The following OPCML variants were observed in gnomAD, a reference collection of about 807,000 sequenced individuals.
The protein encoded by OPCML is opioid-binding protein/cell adhesion molecule.
In OPCML, 13 loss-of-function variants were observed where a neutral mutation model predicts 37.8. That is an observed-to-expected ratio of 0.34 (90% CI 0.22 to 0.55). The LOEUF (loss-of-function observed/expected upper bound fraction) is 0.55, where lower values mean the gene tolerates loss of function less well. Ranked by LOEUF, OPCML falls within the 20% of genes least tolerant of loss-of-function variation. The pLI is 0.91. For synonymous variants in OPCML, 176 were observed against 168.8 expected (o/e 1.04, Z -0.33); for missense variants, 341 against 435.6 (o/e 0.78, Z 1.93).
intron 2 of OPCML, among the ~76,000 whole-genome samples, chr11:132,745,014 C>T (rs1033798977): frequency 2.6e-5 from 4 of 151,540 alleles, no homozygotes; most frequent in African/African-American, 9.8e-5. Flanking sequence ...GGAACCACAC[C>T]CCTGGGAGAA....
At chr11:133,185,751 G>T (rs995871103) in intron 1 of OPCML, among the ~76,000 whole-genome samples, 1 of 152,134 alleles carries the variant, frequency 6.6e-6, no homozygotes, top group African/African-American at 2.4e-5. Context: ...TGGTGGGTCT[G>T]CAATCAATTT....
chr11:132,906,898 A>G (rs944294391), intron 2 of OPCML, among the ~76,000 whole-genome samples: 2 of 152,178 alleles, frequency 1.3e-5, no homozygotes, highest in Non-Finnish European at 2.9e-5. Context: ...GGTAGTGGGG[A>G]TTGAAGCAAA....
intron 1 of OPCML, among the ~76,000 whole-genome samples, chr11:133,463,889 G>T (rs961478609): frequency 1.3e-5 from 2 of 152,150 alleles, no homozygotes; most frequent in Non-Finnish European, 2.9e-5. Flanking sequence ...TCAACAAAGC[G>T]GGGTGATGGT....
intron 7 of OPCML, among the ~76,000 whole-genome samples, chr11:132,423,369 C>T (rs1260953826): frequency 6.6e-6 from 1 of 152,212 alleles, no homozygotes; most frequent in African/African-American, 2.4e-5. Context: ...TGAATTTAAT[C>T]CACTACGATA....
intron 1 of OPCML, chr11:133,066,384 C>T (rs1187812594): frequency 6.6e-6 from 1 of 152,272 alleles, no homozygotes; most frequent in Non-Finnish European, 1.5e-5. Context: ...CCAACCTCCC[C>T]TTTCATAGAA....
rs1045057008 is a variant in OPCML, at chr11:133,008,539, G to A, written c.62-65529C>T. 7.7e-6 allele frequency: 5 copies of A among 652,906 alleles called. 1 individual carries two copies. Among genetic ancestry groups the A allele is most frequent in the Admixed American group, 6.3e-5 (1 of 15,872 alleles). 40.4% of individuals were successfully genotyped at this position (652,906 alleles called of 1,614,324 possible). A position where few individuals can be genotyped will look rare whatever the true frequency, so the allele number is the denominator to read the frequency against. ...TATTCGCTGTGGAAGGCTCCCAGCT[G>A]AGCCTCTCTCTGGGAACTGCCCTCA... On this transcript the variant is annotated intron_variant, in intron 1 of 7. Coordinates refer to ENST00000524381, the MANE Select transcript of OPCML (RefSeq NM_001012393.5).
At chr11:132,631,386 G>A (rs979200235) in intron 3 of OPCML, among the ~76,000 whole-genome samples, 5 of 140,830 alleles carry the variant, frequency 3.6e-5, no homozygotes, top group Admixed American at 3.5e-4. Context: ...TCTCCTAGGT[G>A]TAAATATACA....
intron 1 of OPCML, among the ~76,000 whole-genome samples, chr11:133,408,418 C>T (rs539264040): frequency 3.9e-5 from 6 of 152,336 alleles, no homozygotes; most frequent in African/African-American, 1.2e-4. Context: ...GGCGGGCTTG[C>T]TGAGCACTTT....
intron 1 of OPCML, among the ~76,000 whole-genome samples, chr11:132,968,688 G>A (rs1472621022): frequency 6.6e-6 from 1 of 152,158 alleles, no homozygotes; most frequent in Non-Finnish European, 1.5e-5. Context: ...AATATTTTAA[G>A]CATATCATTA....
At chr11:133,519,003 C>T (rs950719819) in intron 1 of OPCML, among the ~76,000 whole-genome samples, 16 of 152,122 alleles carry the variant, frequency 1.1e-4, no homozygotes, top group African/African-American at 3.4e-4. Flanking sequence ...CTCTTCAACA[C>T]GGGAGGTCCT....
chr11:133,495,617 C>T (rs1435474373), intron 1 of OPCML, among the ~76,000 whole-genome samples: 1 of 152,124 alleles, frequency 6.6e-6, no homozygotes, highest in Non-Finnish European at 1.5e-5. Flanking sequence ...AAGGTGGTAT[C>T]GCATTGTGGT....
At position 133,175,023 on chromosome 11, in the gene OPCML, G is replaced by C. The variant is rs116128171; in HGVS notation, c.62-232013C>G. Among the ~76,000 whole-genome samples the C allele has an allele frequency of 7.3e-3, 1,119 of 152,280 alleles. 13 individuals carry two copies. The highest frequency in any genetic ancestry group is 0.024 in the African/African-American group (985 of 41,552). Reference sequence around the variant, plus strand: ...GGGAAGTGAGATGGGAGGATCACTTGAGCCTAAGAGGTTGAGGCTACAGTA... The same window carrying C: ...GGGAAGTGAGATGGGAGGATCACTTCAGCCTAAGAGGTTGAGGCTACAGTA... On this transcript the variant is annotated intron_variant, in intron 1 of 7. Coordinates refer to ENST00000524381, the MANE Select transcript of OPCML (RefSeq NM_001012393.5).
At chr11:132,831,248 A>G (rs978114610) in intron 2 of OPCML, among the ~76,000 whole-genome samples, 1 of 152,252 alleles carries the variant, frequency 6.6e-6, no homozygotes, top group African/African-American at 2.4e-5. Flanking sequence ...CTATCGCCCA[A>G]TGAACAGAAG....
intron 4 of OPCML, among the ~76,000 whole-genome samples, chr11:132,512,548 T>A (rs2096271055): frequency 6.6e-6 from 1 of 151,896 alleles, no homozygotes; most frequent in South Asian, 2.1e-4. Context: ...ACAACATGAA[T>A]AAAACTCAAA....
At chr11:132,516,838 T>C (rs781529853) in intron 4 of OPCML, among the ~76,000 whole-genome samples, 3 of 152,122 alleles carry the variant, frequency 2.0e-5, no homozygotes, top group Non-Finnish European at 2.9e-5. Flanking sequence ...TGTTAATTAC[T>C]CTATGACTCA....
At chr11:133,096,776 G>A (rs1209581138) in intron 1 of OPCML, among the ~76,000 whole-genome samples, 1 of 151,956 alleles carries the variant, frequency 6.6e-6, no homozygotes, top group Non-Finnish European at 1.5e-5. Flanking sequence ...ATTAGAGCAA[G>A]GTAAGTCATC....
intron 2 of OPCML, among the ~76,000 whole-genome samples, chr11:132,831,545 A>G (rs1180635564): frequency 6.6e-6 from 1 of 152,024 alleles, no homozygotes; most frequent in African/African-American, 2.4e-5. Context: ...TTTTCCCTCT[A>G]CTTAGACATA....
chr11:132,472,847 C>T (rs1024038567), intron 4 of OPCML, among the ~76,000 whole-genome samples: 6 of 152,200 alleles, frequency 3.9e-5, no homozygotes, highest in African/African-American at 7.2e-5. Flanking sequence ...CACAGTGCTG[C>T]GCTGACATCT....
chr11:133,390,364 G>A (rs1245642597), intron 1 of OPCML, among the ~76,000 whole-genome samples: 1 of 152,170 alleles, frequency 6.6e-6, no homozygotes, highest in Non-Finnish European at 1.5e-5. Flanking sequence ...TCGGGAGGCT[G>A]AGGCAGGAAA....
Sources: allele counts gnomAD v4.1 joint callset (sites outside exome capture counted in the v4.1 genomes callset), GRCh38; gene constraint gnomAD v4.1.1; transcripts MANE v1.5; gene names NCBI Gene and HGNC (gene_info 2026-07-23, HGNC 2026-07-21).